EXPH5: variants seen among roughly 807,000 people sequenced by gnomAD.
EXPH5 encodes exophilin-5.
In EXPH5, 42 loss-of-function variants were observed where a neutral mutation model predicts 41.1. The observed-to-expected ratio is 1.02, with a 90% CI of 0.80 to 1.32. The LOEUF is 1.32. Ranked by LOEUF, EXPH5 falls within the 40% of genes most tolerant of loss-of-function variation. The pLI, the probability that EXPH5 is intolerant of heterozygous loss-of-function variation, is 0.00. For synonymous variants in EXPH5, 798 were observed against 833.5 expected (o/e 0.96, Z 0.73); for missense variants, 2,298 against 2,314.5 (o/e 0.99, Z 0.15).
chr11:108,524,836 T>A lies in EXPH5; in HGVS notation c.492+3300A>T, dbSNP rs576309585. Among the ~76,000 whole-genome samples the A allele has an allele frequency of 3.9e-5, 6 of 152,298 alleles. 1 individual carries two copies. In the South Asian group the frequency reaches 1.2e-3, roughly 32 times the overall value. On this transcript the variant is annotated intron_variant, in intron 4 of 5. Transcript: ENST00000265843. ...TGTAGCTGCAACTTAAAACCACTCA[T>A]TCATTTCTTCTTTCAATTACTGAGT...
Position 108,506,572 on chromosome 11 carries a change from T to C in EXPH5, c.*2965A>G, listed in dbSNP as rs961419844. 1 of 152,184 alleles carries C rather than the reference T, an allele frequency of 6.6e-6. No individual in the cohort carries two copies. The highest frequency in any genetic ancestry group is 2.4e-5 in the African/African-American group (1 of 41,438). The allele number at this position is 152,184 out of a possible 1,614,324, so 9.4% of individuals were successfully genotyped here. ...ATACACGTAGACTCAGAGTATATAC[T>C]GAAATATAATTTGAAAGCTGATCAT... On this transcript the variant is annotated 3_prime_UTR_variant, in exon 6 of 6. Transcript: ENST00000265843.
Position 108,575,801 on chromosome 11 carries a change from C to T in EXPH5, c.119+17617G>A, listed in dbSNP as rs1437057348. 5.9e-5 allele frequency among the ~76,000 whole-genome samples: 9 copies of T among 151,994 alleles called. No individual in the cohort carries two copies. In the East Asian group the frequency reaches 1.7e-3, roughly 29 times the overall value. ...ACAGCCTGACCAACATGGCAAAAAC[C>T]CATCTCTACTAAAAATACAAAAATT... On this transcript the variant is annotated intron_variant, in intron 1 of 5. Transcript: ENST00000265843.
chr11:108,543,175 G>A (rs538075189), intron 1 of EXPH5, among the ~76,000 whole-genome samples: 1 of 152,308 alleles, frequency 6.6e-6, no homozygotes, highest in South Asian at 2.1e-4. Flanking sequence ...CATAATGTCA[G>A]AACATGTGGC....
In EXPH5 at chr11:108,511,626, T is replaced by C. The variant is rs2093682315; in HGVS notation, c.3881A>G (p.Glu1294Gly). 1.2e-6 allele frequency: 2 copies of C among 1,610,390 alleles called. No homozygotes were observed. The highest frequency in any genetic ancestry group is 1.7e-6 in the Non-Finnish European group (2 of 1,179,156). The change falls in exon 6 of 6, where the codon GAA becomes GGA. Residue 1294 changes from glutamate (E) to glycine (G), a missense_variant. By Grantham distance (98) the Glu-to-Gly change is moderately conservative. Transcript: ENST00000265843. ...VETETFPNAL[E>G]KDKQNYSTRE... ...TGTAGAATAATTCTGTTTGTCTTTT[T>C]CTAAAGCGTTAGGAAATGTTTCAGT...
chr11:108,524,898 G>A (rs1324762335), intron 4 of EXPH5, among the ~76,000 whole-genome samples: 1 of 152,162 alleles, frequency 6.6e-6, no homozygotes, highest in Non-Finnish European at 1.5e-5. Context: ...TACACAGCCT[G>A]ATATGGTTCG....
chr11:108,602,757 G>A, the EXPH5 span, among the ~76,000 whole-genome samples: 1 of 152,164 alleles, frequency 6.6e-6, no homozygotes, highest in Non-Finnish European at 1.5e-5. Flanking sequence ...GGGTTAGTAG[G>A]ATAAGAAAGG....
At chr11:108,531,039 G>A (rs1329816821) in intron 3 of EXPH5, among the ~76,000 whole-genome samples, 1 of 152,114 alleles carries the variant, frequency 6.6e-6, no homozygotes, top group Non-Finnish European at 1.5e-5. Context: ...AAGGCCCCTG[G>A]ACTTGGTCAT....
At chr11:108,602,964 G>A in the EXPH5 span, among the ~76,000 whole-genome samples, 10 of 152,220 alleles carry the variant, frequency 6.6e-5, no homozygotes, top group East Asian at 1.2e-3. Context: ...ATTGGATCAC[G>A]GGAGCGATTC....
At chr11:108,541,355 G>A (rs1025174970) in intron 2 of EXPH5, among the ~76,000 whole-genome samples, 3 of 152,130 alleles carry the variant, frequency 2.0e-5, no homozygotes, top group Admixed American at 1.3e-4. Flanking sequence ...TAGAGACAGA[G>A]TAGAGATTTG....
chr11:108,516,412 G>A (rs940409726), intron 5 of EXPH5, among the ~76,000 whole-genome samples: 2 of 152,046 alleles, frequency 1.3e-5, no homozygotes, highest in Non-Finnish European at 2.9e-5. Flanking sequence ...AATTGTACTT[G>A]ACATGTTTTC....
chr11:108,539,024 C>G lies in EXPH5; in HGVS notation c.443G>C (p.Gly148Ala), dbSNP rs750993334. 2.5e-6 allele frequency: 4 copies of G among 1,583,368 alleles called. No homozygotes were observed. Among genetic ancestry groups the G allele is most frequent in the South Asian group, 1.2e-5 (1 of 85,216 alleles). Residue 148 changes from glycine (G) to alanine (A), a missense_variant and splice_region_variant, in exon 3 of 6, where the codon GGA becomes GCA. Physicochemically the swap from Gly to Ala is moderately conservative, Grantham distance 60. Coordinates refer to ENST00000265843, the MANE Select transcript of EXPH5 (RefSeq NM_015065.3). ...GTAACATGACCTGAGTTTAACTCAC[C>G]CTTTCTGTCCCAGTGATGGAAGCTT... ...TSKLPSLGQKGCDGHAGPPMP... is the reference protein window; with the variant it reads ...TSKLPSLGQKACDGHAGPPMP...
At chr11:108,519,399 G>A (rs537383316) in intron 4 of EXPH5, among the ~76,000 whole-genome samples, 19 of 152,096 alleles carry the variant, frequency 1.2e-4, no homozygotes, top group African/African-American at 4.3e-4. Context: ...ATTTCCTAAC[G>A]TTGTACCTAT....
At chr11:108,605,093 A>G in the EXPH5 span, among the ~76,000 whole-genome samples, 60,869 of 151,964 alleles carry the variant, frequency 0.4, 13,022 homozygotes, top group Admixed American at 0.48. Context: ...CAGAAAAAAA[A>G]TTCTGGGACA....
At chr11:108,542,630 A>G (rs1444049612) in intron 1 of EXPH5, among the ~76,000 whole-genome samples, 3 of 152,198 alleles carry the variant, frequency 2.0e-5, no homozygotes, top group Non-Finnish European at 4.4e-5. Context: ...CAGTGAATGT[A>G]AAAAATAGGA....
intron 1 of EXPH5, among the ~76,000 whole-genome samples, chr11:108,542,905 G>C (rs1482221282): frequency 1.3e-5 from 2 of 152,114 alleles, no homozygotes; most frequent in Non-Finnish European, 2.9e-5. Flanking sequence ...TTTTAGTAGA[G>C]ACGGGGTTTT....
rs180837338 is a variant in EXPH5 at position 108,551,540 on chromosome 11, C to T, written c.120-9728G>A. On this transcript the variant is annotated intron_variant, in intron 1 of 5. Coordinates refer to ENST00000265843, the MANE Select transcript of EXPH5 (RefSeq NM_015065.3). Reference sequence around the variant, plus strand: ...TGACATCTCTGACATTTCTCCTTCACTTTTCTTACTCCCTTGCTTCTGTAT... The same window carrying T: ...TGACATCTCTGACATTTCTCCTTCATTTTTCTTACTCCCTTGCTTCTGTAT... Among the ~76,000 whole-genome samples the T allele has an allele frequency of 4.8e-4, 73 of 152,264 alleles. No homozygotes were observed. In the East Asian group the frequency reaches 9.9e-3, roughly 21 times the overall value.
At chr11:108,564,317 G>A (rs1313210637) in intron 1 of EXPH5, among the ~76,000 whole-genome samples, 2 of 151,976 alleles carry the variant, frequency 1.3e-5, no homozygotes, top group East Asian at 3.9e-4. Context: ...AGGATAGTAA[G>A]AGACAAAACT....
intron 1 of EXPH5, among the ~76,000 whole-genome samples, chr11:108,561,090 A>G (rs1403512826): frequency 6.6e-6 from 1 of 152,236 alleles, no homozygotes; most frequent in Non-Finnish European, 1.5e-5. Flanking sequence ...TGCATCAAGA[A>G]TAGGTACAAA....
At chr11:108,597,919 G>A (rs527825239), upstream of EXPH5, among the ~76,000 whole-genome samples, 6 of 152,348 alleles carry the variant, frequency 3.9e-5, no homozygotes, top group South Asian at 1.2e-3. Context: ...TTTATGGAAT[G>A]TCTACTATCC....
Sources: gnomAD v4.1 joint callset for allele counts (sites outside exome capture counted in the v4.1 genomes callset) on GRCh38, gnomAD v4.1.1 for gene constraint, MANE v1.5 for transcripts, NCBI Gene and HGNC (gene_info 2026-07-23, HGNC 2026-07-21) for gene names.